KCMF1: variants seen among roughly 807,000 people sequenced by gnomAD.
KCMF1 encodes E3 ubiquitin-protein ligase KCMF1.
In KCMF1, 3 loss-of-function variants were observed where a neutral mutation model predicts 41.1. That is an observed-to-expected ratio of 0.07 (90% CI 0.03 to 0.19). The LOEUF (loss-of-function observed/expected upper bound fraction) is 0.19. Among genes scored for constraint, KCMF1 ranks in the 10% least tolerant of loss-of-function variants. The pLI, the probability that KCMF1 is intolerant of heterozygous loss-of-function variation, is 1.00. For missense variants in KCMF1, 286 were observed against 488.9 expected, an observed-to-expected ratio of 0.58 and a Z score of 3.91; for synonymous variants, 142 against 164.5, an observed-to-expected ratio of 0.86 and a Z score of 1.04.
intron 5 of KCMF1, among the ~76,000 whole-genome samples, chr2:85,047,280 A>T (rs1433354628): frequency 6.6e-6 from 1 of 152,228 alleles, no homozygotes; most frequent in East Asian, 1.9e-4. Flanking sequence ...ACATAAAAAA[A>T]TGTCCAAAGC....
intron 1 of KCMF1, among the ~76,000 whole-genome samples, chr2:85,022,022 G>A (rs1674957678): frequency 6.6e-6 from 1 of 152,016 alleles, no homozygotes; most frequent in African/African-American, 2.4e-5. Context: ...TCACCATGTT[G>A]GTCAGGCTGG....
intron 3 of KCMF1, among the ~76,000 whole-genome samples, chr2:85,039,518 G>T (rs1458491736): frequency 6.6e-6 from 1 of 152,176 alleles, no homozygotes; most frequent in Non-Finnish European, 1.5e-5. Flanking sequence ...GTGTTTATAT[G>T]TGGAGTAATG....
chr2:85,032,979 T>G (rs1675312324), intron 2 of KCMF1, among the ~76,000 whole-genome samples: 1 of 152,208 alleles, frequency 6.6e-6, no homozygotes, highest in Non-Finnish European at 1.5e-5. Flanking sequence ...GTGGACACAC[T>G]TGTCTTGTTC....
At chr2:84,985,645 A>T (rs1673882740) in intron 1 of KCMF1, among the ~76,000 whole-genome samples, 1 of 152,216 alleles carries the variant, frequency 6.6e-6, no homozygotes, top group Non-Finnish European at 1.5e-5. Flanking sequence ...CCTGGCCAAC[A>T]TGGTGAAACC....
intron 1 of KCMF1, among the ~76,000 whole-genome samples, chr2:84,976,229 C>T (rs2103959614): frequency 1.5e-5 from 2 of 137,256 alleles, no homozygotes; most frequent in African/African-American, 5.5e-5. Context: ...TTTTTAAAGA[C>T]AGAGTCTCGC....
At chr2:85,050,267 G>GGT (rs1296921401) in intron 6 of KCMF1, among the ~76,000 whole-genome samples, 2 of 152,098 alleles carry the variant, frequency 1.3e-5, no homozygotes, top group African/African-American at 4.8e-5. Context: ...GTTCATATTA[G>GGT]GTGTATTTAT....
chr2:85,034,213 T>G (rs1386097308), intron 2 of KCMF1, among the ~76,000 whole-genome samples: 2 of 151,976 alleles, frequency 1.3e-5, no homozygotes, highest in Non-Finnish European at 2.9e-5. Flanking sequence ...GTTGGTAGTA[T>G]CTTAAGTTAG....
chr2:84,980,742 G>A (rs752591395), intron 1 of KCMF1, among the ~76,000 whole-genome samples: 10 of 151,824 alleles, frequency 6.6e-5, no homozygotes, highest in Admixed American at 1.3e-4. Flanking sequence ...TTGGGCTTAC[G>A]TGATCCTCCT....
intron 1 of KCMF1, among the ~76,000 whole-genome samples, chr2:84,979,918 G>T (rs933112362): frequency 2.0e-5 from 3 of 152,032 alleles, no homozygotes; most frequent in Admixed American, 2.0e-4. Flanking sequence ...TGCCTCCCGG[G>T]TTCAAGTGTT....
intron 1 of KCMF1, among the ~76,000 whole-genome samples, chr2:84,980,641 CTT>C (rs367965209): frequency 6.3e-5 from 9 of 143,792 alleles, no homozygotes; most frequent in Admixed American, 2.1e-4. Context: ...AGCCTCATAT[CTT>C]TTTTTTTTTT....
At chr2:84,990,525 A>C (rs968228044) in intron 1 of KCMF1, among the ~76,000 whole-genome samples, 8 of 151,994 alleles carry the variant, frequency 5.3e-5, no homozygotes, top group African/African-American at 1.9e-4. Context: ...AGAGTGAGAG[A>C]ATAAGGATTG....
intron 1 of KCMF1, among the ~76,000 whole-genome samples, chr2:85,002,262 C>G (rs567297298): frequency 6.6e-6 from 1 of 152,150 alleles, no homozygotes; most frequent in Non-Finnish European, 1.5e-5. Context: ...TTAGATGGTA[C>G]CAGTGTCCTA....
intron 1 of KCMF1, among the ~76,000 whole-genome samples, chr2:85,008,258 T>TATAATATATA (rs1558573247): frequency 1.8e-5 from 2 of 112,898 alleles, no homozygotes; most frequent in African/African-American, 6.7e-5. Context: ...ATATATATTA[T>TATAATATATA]ATATCATATA....
intron 2 of KCMF1, among the ~76,000 whole-genome samples, chr2:85,032,070 C>G (rs1675289441): frequency 6.6e-6 from 1 of 152,014 alleles, no homozygotes; most frequent in South Asian, 2.1e-4. Flanking sequence ...TTCATTGCAA[C>G]CATATAGACA....
At chr2:85,006,300 T>C (rs900273122) in intron 1 of KCMF1, among the ~76,000 whole-genome samples, 2 of 136,166 alleles carry the variant, frequency 1.5e-5, no homozygotes, top group Non-Finnish European at 3.2e-5. Flanking sequence ...ATTTTCTTTT[T>C]TTTTTTTTTT....
At chr2:84,998,881 G>A in intron 1 of KCMF1, among the ~76,000 whole-genome samples, 1 of 151,652 alleles carries the variant, frequency 6.6e-6, no homozygotes. Flanking sequence ...CAAAGTGCTG[G>A]GATTACAGCT....
intron 1 of KCMF1, among the ~76,000 whole-genome samples, chr2:84,997,287 A>AT (rs1002969815): frequency 8.6e-5 from 13 of 151,354 alleles, no homozygotes; most frequent in Admixed American, 1.3e-4. Flanking sequence ...TAATTATAGG[A>AT]TTTTTTTTCC....
At chr2:85,046,948 A>AT (rs1026264531) in intron 5 of KCMF1, among the ~76,000 whole-genome samples, 1 of 152,130 alleles carries the variant, frequency 6.6e-6, no homozygotes, top group African/African-American at 2.4e-5. Flanking sequence ...GATTTACTCT[A>AT]TTTTGTTGGG....
At chr2:85,023,987 C>G (rs1306749818) in intron 1 of KCMF1, among the ~76,000 whole-genome samples, 1 of 152,140 alleles carries the variant, frequency 6.6e-6, no homozygotes, top group Non-Finnish European at 1.5e-5. Context: ...CATATGTTTA[C>G]TGGCCATTTA....
Sources: allele counts gnomAD v4.1 joint callset (sites outside exome capture counted in the v4.1 genomes callset), GRCh38; gene constraint gnomAD v4.1.1; transcripts MANE v1.5; gene names NCBI Gene and HGNC (gene_info 2026-07-23, HGNC 2026-07-21).